Variants in CTNND1 observed in about 807,000 individuals in gnomAD.
CTNND1 encodes catenin delta 1.
CTNND1 carries 16 observed loss-of-function variants against 112.1 expected under a neutral mutation model. The observed-to-expected ratio is 0.14, with a 90% CI of 0.10 to 0.22. CTNND1 has a LOEUF of 0.22. Ranked by LOEUF, CTNND1 falls within the 10% of genes least tolerant of loss-of-function variation. CTNND1 has a pLI of 1.00. For missense variants in CTNND1, 1,008 were observed against 1,257.0 expected, an observed-to-expected ratio of 0.80 and a Z score of 3.00; for synonymous variants, 420 against 446.5, an observed-to-expected ratio of 0.94 and a Z score of 0.75.
In CTNND1 at chr11:57,797,913, T is replaced by C. The variant is rs534998005; in HGVS notation, c.956+921T>C. ...TGTCCTGAAGAATGAACTTTGCTTCTGCTTCTATGCTGAAGTTTTTGCTGT... is the reference window on the plus strand; with the variant it reads ...TGTCCTGAAGAATGAACTTTGCTTCCGCTTCTATGCTGAAGTTTTTGCTGT... On this transcript the variant is annotated intron_variant, in intron 6 of 20. Transcript: ENST00000399050. Among the ~76,000 whole-genome samples the C allele has an allele frequency of 6.6e-5, 10 of 151,510 alleles. No homozygotes were observed. The South Asian group carries it at 1.9e-3, about 29-fold the overall frequency.
At chr11:57,809,247 C>A (rs746699611) in intron 14 of CTNND1, 27 bp from the exon 15 acceptor site, 3 of 1,568,818 alleles carry the variant, frequency 1.9e-6, no homozygotes, top group Admixed American at 3.4e-5. Context: ...TTGATCTTTT[C>A]TCCCTGCATA....
intron 6 of CTNND1, among the ~76,000 whole-genome samples, chr11:57,800,939 C>T (rs2061956572): frequency 6.6e-6 from 1 of 152,238 alleles, no homozygotes; most frequent in Admixed American, 6.5e-5. Context: ...ATTGCTTTCT[C>T]TGTTCCTAGT....
At chr11:57,794,648 G>A (rs547619951) in intron 4 of CTNND1, among the ~76,000 whole-genome samples, 1 of 152,116 alleles carries the variant, frequency 6.6e-6, no homozygotes, top group African/African-American at 2.4e-5. Flanking sequence ...AGTCAGGCGT[G>A]GTGGCACATG....
At chr11:57,762,371 T>C (rs1039712137) in intron 1 of CTNND1, among the ~76,000 whole-genome samples, 4 of 152,208 alleles carry the variant, frequency 2.6e-5, no homozygotes, top group African/African-American at 9.6e-5. Flanking sequence ...ATTTTATTTA[T>C]TTATTTTTCT....
rs1245291318 is a variant in CTNND1, at chr11:57,818,956, T to C, written c.*2648T>C. ...GCTTCTCAGGCTATATGCAGTCCTT[T>C]AGTCAGAAGTCAATAGGCCTATTTA... On this transcript the variant is annotated 3_prime_UTR_variant, in exon 21 of 21. Coordinates refer to ENST00000399050, the MANE Select transcript of CTNND1 (RefSeq NM_001085458.2). 6.6e-6 allele frequency: 1 copy of C among 152,242 alleles called. No individual in the cohort carries two copies. The highest frequency in any genetic ancestry group is 2.4e-5 in the African/African-American group (1 of 41,468). 9.4% of individuals were successfully genotyped at this position (152,242 alleles called of 1,614,324 possible).
At chr11:57,792,456 T>C (rs2060861300) in intron 3 of CTNND1, among the ~76,000 whole-genome samples, 1 of 152,206 alleles carries the variant, frequency 6.6e-6, no homozygotes, top group African/African-American at 2.4e-5. Flanking sequence ...CGCGCATGTG[T>C]GTGTGTGGTA....
intron 11 of CTNND1, 186 bp from the exon 12 acceptor site, chr11:57,806,729 G>A (rs749041680): frequency 5.4e-5 from 34 of 634,276 alleles, no homozygotes; most frequent in Non-Finnish European, 8.9e-5. Context: ...CCTATCTGCT[G>A]CCTGTTTTCT....
chr11:57,779,162 AC>A (rs768356934), intron 1 of CTNND1, among the ~76,000 whole-genome samples: 8 of 152,210 alleles, frequency 5.3e-5, no homozygotes, highest in Non-Finnish European at 1.0e-4. Context: ...ACAGAAGGAA[AC>A]AGGTAATGCT....
In CTNND1 at chr11:57,790,563, T is replaced by TG. The variant is rs2060617638; in HGVS notation, c.-94-822_-94-821insG. On this transcript the variant is annotated intron_variant, in intron 2 of 20. Transcript: ENST00000399050. ...TTGTCTGTGTGTGTGTTTTTTTTTT[T>TG]TTTTTTTTTTTTGAGACGGAGTCTT... Among the ~76,000 whole-genome samples, 2 of 142,408 alleles carry TG rather than the reference T, an allele frequency of 1.4e-5. 1 individual carries two copies. Among genetic ancestry groups the TG allele is most frequent in the Non-Finnish European group, 3.1e-5 (2 of 65,134 alleles). 93.4% of individuals were successfully genotyped at this position (142,408 alleles called of 152,430 possible).
chr11:57,802,007 C>G lies in CTNND1; in HGVS notation c.1231C>G (p.Pro411Ala). 6.2e-7 allele frequency: 1 copy of G among 1,613,982 alleles called. No homozygotes were observed. Among genetic ancestry groups the G allele is most frequent in the Non-Finnish European group, 8.5e-7 (1 of 1,179,884 alleles). Residue 411 changes from proline to alanine, a missense_variant, in exon 7 of 21, where the codon CCA becomes GCA. Coordinates refer to ENST00000399050, the MANE Select transcript of CTNND1 (RefSeq NM_001085458.2). ...KTDVRKLKGI[P>A]VLVGLLDHPK... ...TGACGTGCGGAAGCTCAAGGGCATC[C>G]CAGTACTGGTGGGATTGTTAGACCA... is the stretch of plus-strand genomic sequence containing the variant.
chr11:57,771,759 C>T, intron 1 of CTNND1, among the ~76,000 whole-genome samples: 1 of 151,920 alleles, frequency 6.6e-6, no homozygotes, highest in East Asian at 1.9e-4. Context: ...TAGCACCTGA[C>T]CCAACCTCCA....
At chr11:57,798,914 CAG>C (rs1399015685) in intron 6 of CTNND1, among the ~76,000 whole-genome samples, 1 of 152,240 alleles carries the variant, frequency 6.6e-6, no homozygotes, top group Non-Finnish European at 1.5e-5. Context: ...AAATTAGAAA[CAG>C]TGTTTTCCAG....
At position 57,795,577 on chromosome 11, in the gene CTNND1, G is replaced by A. The variant is rs61754546; in HGVS notation, c.268G>A (p.Asp90Asn). 4.7e-5 allele frequency: 75 copies of A among 1,609,192 alleles called. No homozygotes were observed. Among genetic ancestry groups the A allele is most frequent in the Admixed American group, 2.7e-4 (16 of 58,950 alleles). Residue 90 changes from aspartate (D) to asparagine (N), a missense_variant and splice_region_variant, in exon 5 of 21, where the codon GAT becomes AAT. Asp to Asn is a conservative substitution (Grantham distance 23). Coordinates refer to ENST00000399050, the MANE Select transcript of CTNND1 (RefSeq NM_001085458.2). ...CTTCTCTTTTCTCTTTTGCATATAG[G>A]ATCACAGTCACCTTCTATATAGCAC... ...FSDLKLNGPQ[D>N]HSHLLYSTIP...
chr11:57,810,292 CT>C (rs2063177606), intron 16 of CTNND1, 69 bp downstream of exon 16: 2 of 1,152,934 alleles, frequency 1.7e-6, no homozygotes, highest in Non-Finnish European at 2.5e-6. Context: ...CTTCTGTTTT[CT>C]TTCGTTTCTT....
Position 57,816,311 on chromosome 11 carries a change from C to T in CTNND1, c.*3C>T, listed in dbSNP as rs765263826. The T allele has an allele frequency of 1.9e-5, 30 of 1,613,470 alleles. No homozygotes were observed. Among genetic ancestry groups the T allele is most frequent in the Non-Finnish European group, 2.5e-5 (29 of 1,179,650 alleles). Reference sequence around the variant, plus strand: ...TTTCTCCACAGCAGAAGATTTAGCACCACTATCTCCGTTCCATCTGGGCTT... The same window carrying T: ...TTTCTCCACAGCAGAAGATTTAGCATCACTATCTCCGTTCCATCTGGGCTT... On this transcript the variant is annotated 3_prime_UTR_variant, in exon 21 of 21. Transcript: ENST00000399050.
chr11:57,780,420 A>G (rs2059452263), intron 1 of CTNND1, among the ~76,000 whole-genome samples: 1 of 152,212 alleles, frequency 6.6e-6, no homozygotes, highest in Non-Finnish European at 1.5e-5. Flanking sequence ...ATCAAGAAGG[A>G]GCATGGACTT....
chr11:57,772,708 C>A (rs1952995410), intron 1 of CTNND1, among the ~76,000 whole-genome samples: 1 of 152,156 alleles, frequency 6.6e-6, no homozygotes, highest in Non-Finnish European at 1.5e-5. Context: ...TGATTGAATA[C>A]CTATGTCTTG....
Position 57,795,736 on chromosome 11 carries a change from T to A in CTNND1, c.420+7T>A. 6.3e-7 allele frequency: 1 copy of A among 1,583,984 alleles called. No homozygotes were observed. Among genetic ancestry groups the A allele is most frequent in the Non-Finnish European group, 8.5e-7 (1 of 1,170,092 alleles). ...TCGGCGCACAGAGACCACGGTAAAC[T>A]AAGACGTGTGTAAGATCTGGAAGTG... On this transcript the variant is annotated splice_region_variant and intron_variant, in intron 5 of 20. Transcript: ENST00000399050.
chr11:57,797,093 C>A, intron 6 of CTNND1, 101 bp downstream of exon 6: 2 of 1,039,814 alleles, frequency 1.9e-6, no homozygotes, highest in South Asian at 3.5e-5. Flanking sequence ...CAGAGATACT[C>A]GTGGCCTCCT....
Sources: allele counts gnomAD v4.1 joint callset (sites outside exome capture counted in the v4.1 genomes callset), GRCh38; gene constraint gnomAD v4.1.1; transcripts MANE v1.5; gene names NCBI Gene and HGNC (gene_info 2026-07-23, HGNC 2026-07-21).